Variants in MAP2K2 observed in about 807,000 individuals in gnomAD.
MAP2K2 encodes the protein dual specificity mitogen-activated protein kinase kinase 2.
In MAP2K2, 24 loss-of-function variants were observed where a neutral mutation model predicts 43.7. The observed-to-expected ratio is 0.55, with a 90% CI of 0.40 to 0.77. MAP2K2 has a LOEUF of 0.77. MAP2K2 is among the 30% of genes least tolerant of loss of function. The pLI is 0.00. For synonymous variants in MAP2K2, 244 were observed against 239.7 expected, an observed-to-expected ratio of 1.02 and a Z score of -0.17; for missense variants, 470 against 566.8, an observed-to-expected ratio of 0.83 and a Z score of 1.73.
rs1599277457 is a variant in MAP2K2, at chr19:4,090,338, T to C, written c.*260A>G. ...TGGCGCGGTTTGCTTTTTCTCTCCC[T>C]GTTTTGTTTTGTAACCTAAGGAAGC... On this transcript the variant is annotated 3_prime_UTR_variant, in exon 11 of 11. Coordinates refer to ENST00000262948, the MANE Select transcript of MAP2K2 (RefSeq NM_030662.4). 1.7e-6 allele frequency: 1 copy of C among 578,784 alleles called. No homozygotes were observed. Among genetic ancestry groups the C allele is most frequent in the Non-Finnish European group, 3.1e-6 (1 of 326,024 alleles). The allele number at this position is 578,784 out of a possible 1,614,324, so 35.9% of individuals were successfully genotyped here.
At chr19:4,111,990 C>A (rs564724029) in intron 2 of MAP2K2, among the ~76,000 whole-genome samples, 5,931 of 151,800 alleles carry the variant, frequency 0.039, 416 homozygotes, top group African/African-American at 0.14. Context: ...ACAACAACAA[C>A]AACAACAAAA....
In MAP2K2 at chr19:4,115,995, G is replaced by A. The variant is rs1823059; in HGVS notation, c.303+1424C>T. On this transcript the variant is annotated intron_variant, in intron 2 of 10. Coordinates refer to ENST00000262948, the MANE Select transcript of MAP2K2 (RefSeq NM_030662.4). This position sits in a 1 kb window ranked among gnomAD's most constrained non-coding sequence, Gnocchi z 4.1. ...AGGCTGCATCATGGCCCAGGAGCCC[G>A]GGATGACTAAGCACGGGGGCCGTCA... Among the ~76,000 whole-genome samples, 30,544 of 152,104 alleles carry A rather than the reference G, an allele frequency of 0.2. 3,505 individuals are homozygous for A. Among genetic ancestry groups the A allele is most frequent in the South Asian group, 0.31 (1,474 of 4,818 alleles).
rs1041035741 is a variant in MAP2K2 at position 4,097,312 on chromosome 19, G to A, written c.951C>T (p.Ala317=). 1.6e-5 allele frequency: 26 copies of A among 1,612,998 alleles called. No individual in the cohort carries two copies. Among genetic ancestry groups the A allele is most frequent in the Non-Finnish European group, 2.2e-5 (26 of 1,179,864 alleles). ...GHGMDSRPAM[A]IFELLDYIVN... is the part of the protein sequence containing the mutation. Reference sequence around the variant, plus strand: ...CAATATAGTCCAGGAGTTCAAAGATGGCCATGGCAGGCCGGCTATCCATCC... The same window carrying A: ...CAATATAGTCCAGGAGTTCAAAGATAGCCATGGCAGGCCGGCTATCCATCC... The change falls in exon 8 of 11, where the codon GCC becomes GCT. Residue 317 remains alanine (A), a synonymous_variant. Coordinates refer to ENST00000262948, the MANE Select transcript of MAP2K2 (RefSeq NM_030662.4).
intron 1 of MAP2K2, among the ~76,000 whole-genome samples, chr19:4,123,336 C>G (rs1245725605): frequency 6.6e-6 from 1 of 151,736 alleles, no homozygotes; most frequent in Non-Finnish European, 1.5e-5. Context: ...AGGGACCTCC[C>G]CTCACTCAAC....
intron 6 of MAP2K2, chr19:4,100,493 TAA>T (rs1048606547): frequency 1.8e-5 from 2 of 111,960 alleles, no homozygotes; most frequent in African/African-American, 7.4e-5. Context: ...GACAAAAACC[TAA>T]GAGAGAATTC....
chr19:4,114,370 CACT>C (rs1474012394), intron 2 of MAP2K2, among the ~76,000 whole-genome samples: 4 of 152,204 alleles, frequency 2.6e-5, no homozygotes, highest in Admixed American at 2.6e-4. Flanking sequence ...CTCAGGTCGT[CACT>C]TGTGAGACAG....
chr19:4,113,992 G>A (rs2041189178), intron 2 of MAP2K2, among the ~76,000 whole-genome samples: 1 of 152,226 alleles, frequency 6.6e-6, no homozygotes, highest in African/African-American at 2.4e-5. Context: ...TGAATTAGGT[G>A]TTGTCAAAAA....
intron 3 of MAP2K2, chr19:4,102,981 C>T (rs974263498): frequency 9.2e-7 from 1 of 1,092,556 alleles, no homozygotes; most frequent in Non-Finnish European, 1.1e-6. Flanking sequence ...GTGTGCCCGT[C>T]CAGACCCCCA....
intron 2 of MAP2K2, among the ~76,000 whole-genome samples, chr19:4,116,486 C>T (rs1432724494): frequency 4.0e-5 from 6 of 150,654 alleles, no homozygotes; most frequent in African/African-American, 1.5e-4. Context: ...GCCAAGATCG[C>T]ACCACTGCAC....
At chr19:4,116,083 A>T (rs2890215) in intron 2 of MAP2K2, among the ~76,000 whole-genome samples, 5,148 of 152,288 alleles carry the variant, frequency 0.034, 129 homozygotes, top group South Asian at 0.057. Context: ...CTCCTCGGTG[A>T]GACCACGGTG....
chr19:4,091,082 G>A (rs1216533634), intron 10 of MAP2K2, among the ~76,000 whole-genome samples: 1 of 152,200 alleles, frequency 6.6e-6, no homozygotes, highest in South Asian at 2.1e-4. Flanking sequence ...GCAGGGTACT[G>A]AGCAGCGTCC....
At position 4,090,336 on chromosome 19, in the gene MAP2K2, CCT is replaced by C. The variant is rs149035656; in HGVS notation, c.*260_*261del. 3,005 of 584,394 alleles carry C rather than the reference CCT, an allele frequency of 5.1e-3. 75 individuals are homozygous for C. The highest frequency in any genetic ancestry group is 0.047 in the African/African-American group (2,525 of 53,630). 36.2% of individuals were successfully genotyped at this position (584,394 alleles called of 1,614,324 possible). A position where few individuals can be genotyped will look rare whatever the true frequency, so the allele number is the denominator to read the frequency against. On this transcript the variant is annotated 3_prime_UTR_variant, in exon 11 of 11. Transcript: ENST00000262948. ...GATGGCGCGGTTTGCTTTTTCTCTC[CCT>C]GTTTTGTTTTGTAACCTAAGGAAGC...
chr19:4,090,463 C>G lies in MAP2K2; in HGVS notation c.*135G>C. 1 of 789,760 alleles carries G rather than the reference C, an allele frequency of 1.3e-6. No homozygotes were observed. The highest frequency in any genetic ancestry group is 1.5e-5 in the South Asian group (1 of 66,910). 48.9% of individuals were successfully genotyped at this position (789,760 alleles called of 1,614,324 possible). On this transcript the variant is annotated 3_prime_UTR_variant, in exon 11 of 11. Coordinates refer to ENST00000262948, the MANE Select transcript of MAP2K2 (RefSeq NM_030662.4). ...ACCCCCGTTCCTGCATGCGCTGTCG[C>G]CCCGCCACGGTGCTCTCCGCAGGGG... is the stretch of plus-strand genomic sequence containing the variant.
chr19:4,102,965 G>A, intron 3 of MAP2K2: 17 of 1,103,230 alleles, frequency 1.5e-5, no homozygotes, highest in Non-Finnish European at 1.9e-5. Flanking sequence ...GAGGCGGCGG[G>A]TCGCTGTGTG....
rs770218947 is a variant in MAP2K2 at position 4,099,335 on chromosome 19, A to C, written c.785T>G (p.Val262Gly). The C allele has an allele frequency of 6.2e-7, 1 of 1,610,618 alleles. No homozygotes were observed. The highest frequency in any genetic ancestry group is 8.5e-7 in the Non-Finnish European group (1 of 1,178,832). Residue 262 changes from valine to glycine, a missense_variant, in exon 7 of 11, where the codon GTC becomes GGC. Val to Gly is a moderately radical substitution (Grantham distance 109). Transcript: ENST00000262948. ...GGGCGGGGGGATGGGGTACCTTCCG[A>C]CGGCCAGCTCCACCAGGGACAGGCC... ...SMGLSLVELA[V>G]GRYPIPPPDA...
At chr19:4,100,637 G>A (rs991167505) in intron 6 of MAP2K2, 4 of 270,720 alleles carry the variant, frequency 1.5e-5, no homozygotes, top group South Asian at 4.1e-5. Context: ...GCAATACAGC[G>A]AGACCCCGTG....
rs917325671 is a variant in MAP2K2 at position 4,101,337 on chromosome 19, C to T, written c.529-57G>A. 1.9e-6 allele frequency: 3 copies of T among 1,539,466 alleles called. No homozygotes were observed. Among genetic ancestry groups the T allele is most frequent in the Non-Finnish European group, 2.6e-6 (3 of 1,136,378 alleles). ...AAGGCCACCAGGGCTTAGCTCCTGACCGAGCCCGGGGGTCAGAGCTGAGCA... is the reference window on the plus strand; with the variant it reads ...AAGGCCACCAGGGCTTAGCTCCTGATCGAGCCCGGGGGTCAGAGCTGAGCA... On this transcript the variant is annotated intron_variant, in intron 4 of 10. Coordinates refer to ENST00000262948, the MANE Select transcript of MAP2K2 (RefSeq NM_030662.4). The surrounding 1 kb of genome is among the most constrained non-coding windows in gnomAD (Gnocchi z 6.3).
intron 1 of MAP2K2, among the ~76,000 whole-genome samples, chr19:4,120,150 G>T (rs572850134): frequency 4.0e-4 from 61 of 152,306 alleles, no homozygotes; most frequent in African/African-American, 1.4e-3. Flanking sequence ...GACAACCCCT[G>T]CTCATCTTAG....
At chr19:4,104,946 A>C (rs921794703) in intron 3 of MAP2K2, among the ~76,000 whole-genome samples, 7 of 152,156 alleles carry the variant, frequency 4.6e-5, no homozygotes, top group African/African-American at 1.7e-4. Flanking sequence ...CAGTTGTGAC[A>C]ACCACACACA....
Sources: allele counts gnomAD v4.1 joint callset (sites outside exome capture counted in the v4.1 genomes callset), GRCh38; gene constraint gnomAD v4.1.1; non-coding constraint Gnocchi (gnomAD v3.1); transcripts MANE v1.5; gene names NCBI Gene and HGNC (gene_info 2026-07-23, HGNC 2026-07-21).